The following MAPKAP1 variants were observed in gnomAD, a reference collection of about 807,000 sequenced individuals.
The protein encoded by MAPKAP1 is target of rapamycin complex 2 subunit MAPKAP1.
A neutral mutation model predicts 65.7 loss-of-function variants in MAPKAP1; 20 were observed. The ratio of observed to expected loss-of-function variants is 0.30; its 90% CI spans 0.21 to 0.44. MAPKAP1 has a LOEUF of 0.44. Among genes scored for constraint, MAPKAP1 ranks in the 20% least tolerant of loss-of-function variants. The probability of loss-of-function intolerance (pLI) is 1.00; values close to 1 mark genes in which losing one functional copy is unlikely to be tolerated. For synonymous variants in MAPKAP1, 222 were observed against 244.3 expected (o/e 0.91, Z 0.85); for missense variants, 423 against 648.0 (o/e 0.65, Z 3.77).
intron 1 of MAPKAP1, 140 bp downstream of exon 1, chr9:125,706,831 C>A: frequency 3.2e-6 from 1 of 315,254 alleles, no homozygotes; most frequent in Non-Finnish European, 5.8e-6. Flanking sequence ...AGGAAACGAA[C>A]GCGCCCGGGC....
intron 7 of MAPKAP1, among the ~76,000 whole-genome samples, chr9:125,526,899 G>A (rs549288769): frequency 1.3e-5 from 2 of 149,486 alleles, no homozygotes; most frequent in South Asian, 4.2e-4. Flanking sequence ...TTAGCCTCCC[G>A]AGTAGCTGGG....
chr9:125,504,199 C>T (rs1829072696), intron 8 of MAPKAP1, among the ~76,000 whole-genome samples: 1 of 152,100 alleles, frequency 6.6e-6, no homozygotes, highest in Admixed American at 6.5e-5. Flanking sequence ...AAACACCTGG[C>T]TTATTTTATA....
At chr9:125,546,174 C>G (rs939533457) in intron 6 of MAPKAP1, among the ~76,000 whole-genome samples, 2 of 152,170 alleles carry the variant, frequency 1.3e-5, no homozygotes, top group Non-Finnish European at 2.9e-5. Flanking sequence ...GGGGCACACA[C>G]GGCCCTCGGA....
At chr9:125,472,171 C>T (rs1018717290) in intron 9 of MAPKAP1, among the ~76,000 whole-genome samples, 1 of 152,194 alleles carries the variant, frequency 6.6e-6, no homozygotes, top group African/African-American at 2.4e-5. Flanking sequence ...AAGAACTGTG[C>T]TAAATGTTTC....
At chr9:125,561,889 T>C (rs967579242) in intron 5 of MAPKAP1, among the ~76,000 whole-genome samples, 2 of 152,204 alleles carry the variant, frequency 1.3e-5, no homozygotes, top group African/African-American at 4.8e-5. Context: ...ACACAAATTG[T>C]GGATGCATAT....
At chr9:125,539,960 A>G (rs1177545283) in intron 7 of MAPKAP1, among the ~76,000 whole-genome samples, 13 of 152,238 alleles carry the variant, frequency 8.5e-5, no homozygotes, top group African/African-American at 3.1e-4. Context: ...TGAAAAGACT[A>G]CTATAGTATA....
rs117697503 is a variant in MAPKAP1, at chr9:125,556,235, C to A, written c.848+3398G>T. Among the ~76,000 whole-genome samples, 630 of 152,352 alleles carry A rather than the reference C, an allele frequency of 4.1e-3. 4 individuals carry two copies. Among genetic ancestry groups the A allele is most frequent in the Non-Finnish European group, 6.1e-3 (418 of 68,040 alleles). The stretch of plus-strand genomic sequence containing the variant: ...AGTTAAATATTCATCCAGGACCACA[C>A]ACACTAGTAAGGGCAAGGCTAGGAT... On this transcript the variant is annotated intron_variant, in intron 6 of 11. Transcript: ENST00000265960.
At chr9:125,489,636 C>A (rs761150724) in intron 8 of MAPKAP1, among the ~76,000 whole-genome samples, 7 of 151,884 alleles carry the variant, frequency 4.6e-5, no homozygotes, top group Non-Finnish European at 1.0e-4. Flanking sequence ...CTCGGGAATA[C>A]AAAATCAGGA....
At chr9:125,629,665 T>A (rs910052521) in intron 4 of MAPKAP1, among the ~76,000 whole-genome samples, 4 of 152,212 alleles carry the variant, frequency 2.6e-5, no homozygotes, top group Non-Finnish European at 5.9e-5. Context: ...TTTGCAAGAC[T>A]GAAGTTTGAG....
intron 5 of MAPKAP1, among the ~76,000 whole-genome samples, chr9:125,563,097 G>A (rs1366191191): frequency 1.3e-5 from 2 of 152,172 alleles, no homozygotes; most frequent in Non-Finnish European, 2.9e-5. Flanking sequence ...GGGATAACAT[G>A]CTCATGATCA....
intron 9 of MAPKAP1, among the ~76,000 whole-genome samples, chr9:125,474,924 C>G (rs983854092): frequency 6.6e-6 from 1 of 152,168 alleles, no homozygotes; most frequent in African/African-American, 2.4e-5. Flanking sequence ...CCTGGAAAAG[C>G]CCCCAAGGGA....
chr9:125,500,070 G>A (rs1353673308), intron 8 of MAPKAP1, among the ~76,000 whole-genome samples: 2 of 152,182 alleles, frequency 1.3e-5, no homozygotes, highest in African/African-American at 4.8e-5. Flanking sequence ...GAATTTATAT[G>A]TGGAACAATA....
chr9:125,465,244 G>A (rs1268878836), intron 10 of MAPKAP1, among the ~76,000 whole-genome samples: 1 of 152,202 alleles, frequency 6.6e-6, no homozygotes, highest in African/African-American at 2.4e-5. Flanking sequence ...AACAATTTTT[G>A]ATGTAAACTC....
chr9:125,504,759 C>CG, intron 8 of MAPKAP1, among the ~76,000 whole-genome samples: 1 of 152,284 alleles, frequency 6.6e-6, no homozygotes, highest in Admixed American at 6.5e-5. Flanking sequence ...CACTACCGAA[C>CG]TCCAGCCTGG....
At chr9:125,684,933 A>G (rs935312428) in intron 1 of MAPKAP1, among the ~76,000 whole-genome samples, 1 of 152,298 alleles carries the variant, frequency 6.6e-6, no homozygotes, top group Non-Finnish European at 1.5e-5. Flanking sequence ...TCGGCCTCCC[A>G]GGGCGTTGGG....
intron 8 of MAPKAP1, among the ~76,000 whole-genome samples, chr9:125,495,663 G>C (rs1176830462): frequency 6.6e-6 from 1 of 152,186 alleles, no homozygotes; most frequent in African/African-American, 2.4e-5. Flanking sequence ...AGAAAGAAGA[G>C]AGTGAAAAAT....
intron 4 of MAPKAP1, among the ~76,000 whole-genome samples, chr9:125,625,421 AAAAAC>A (rs376046332): frequency 1.5e-4 from 23 of 152,246 alleles, no homozygotes; most frequent in South Asian, 6.2e-4. Context: ...CAAAAAACAA[AAAAAC>A]AAAACAAAAC....
At chr9:125,594,656 A>G (rs1832071999) in intron 4 of MAPKAP1, among the ~76,000 whole-genome samples, 1 of 152,202 alleles carries the variant, frequency 6.6e-6, no homozygotes, top group Non-Finnish European at 1.5e-5. Flanking sequence ...TGATTTGCAC[A>G]GACTTACAGT....
At chr9:125,691,044 G>A (rs1444799255) in intron 1 of MAPKAP1, among the ~76,000 whole-genome samples, 2 of 152,164 alleles carry the variant, frequency 1.3e-5, no homozygotes, top group African/African-American at 4.8e-5. Context: ...GGTGGATCGC[G>A]AGGTCAGGAG....
Sources: gnomAD v4.1 joint callset for allele counts (sites outside exome capture counted in the v4.1 genomes callset) on GRCh38, gnomAD v4.1.1 for gene constraint, MANE v1.5 for transcripts, NCBI Gene and HGNC (gene_info 2026-07-23, HGNC 2026-07-21) for gene names.